The following RPF2 variants were observed in gnomAD, a reference collection of about 807,000 sequenced individuals.
RPF2 encodes the protein brix domain containing 1.
In RPF2, 21 loss-of-function variants were observed where a neutral mutation model predicts 38.9. The observed-to-expected ratio is 0.54, with a 90% CI of 0.38 to 0.78. The LOEUF is 0.78. RPF2 is among the 30% of genes least tolerant of loss of function. The pLI is 0.00. For missense variants in RPF2, 314 were observed against 358.1 expected, an observed-to-expected ratio of 0.88 and a Z score of 0.99; for synonymous variants, 121 against 126.2, an observed-to-expected ratio of 0.96 and a Z score of 0.28.
At chr6:111,019,421 CAG>C (rs1772188160) in intron 8 of RPF2, among the ~76,000 whole-genome samples, 1 of 151,986 alleles carries the variant, frequency 6.6e-6, no homozygotes, top group South Asian at 2.1e-4. Context: ...GCCTAGGTGG[CAG>C]AGTGAGACTG....
rs765572240 is a variant in RPF2 at position 111,008,127 on chromosome 6, T to C, written c.483T>C (p.Ser161=). Residue 161 remains serine (S), a synonymous_variant, in exon 7 of 10, where the codon AGT becomes AGC. Transcript: ENST00000441448. ...CAGAAGATTATAGAAGACTAAAAAG[T>C]CTTCTTATTGGTAAGTATTTTAGTA... ...DVTEDYRRLK[S]LLIDFFRGPT... 7.5e-6 allele frequency: 12 copies of C among 1,598,572 alleles called. No homozygotes were observed. Among genetic ancestry groups the C allele is most frequent in the South Asian group, 5.7e-5 (5 of 87,256 alleles).
At chr6:110,988,552 T>C (rs13195130) in intron 2 of RPF2, among the ~76,000 whole-genome samples, 37,544 of 151,846 alleles carry the variant, frequency 0.25, 5,366 homozygotes, top group East Asian at 0.65. Flanking sequence ...CCTCCCGCCT[T>C]AGCCTCCCAA....
intron 8 of RPF2, among the ~76,000 whole-genome samples, chr6:111,018,230 G>A (rs943033734): frequency 6.6e-6 from 1 of 151,860 alleles, no homozygotes; most frequent in Non-Finnish European, 1.5e-5. Flanking sequence ...AGAGGGAGAG[G>A]GAGAGGGAGA....
chr6:110,989,703 GCA>G (rs1477481584), intron 3 of RPF2, among the ~76,000 whole-genome samples: 1 of 149,370 alleles, frequency 6.7e-6, no homozygotes, highest in African/African-American at 2.5e-5. Context: ...TCGCCTCGCT[GCA>G]ACCTCTGACT....
chr6:111,017,442 C>T (rs1772142796), intron 8 of RPF2, among the ~76,000 whole-genome samples: 1 of 151,060 alleles, frequency 6.6e-6, no homozygotes, highest in African/African-American at 2.4e-5. Context: ...TGGGGGGGCT[C>T]CTCACTTCTC....
Position 111,020,207 on chromosome 6 carries a change from C to T in RPF2, c.597-3976C>T, listed in dbSNP as rs375551376. Among the ~76,000 whole-genome samples the T allele has an allele frequency of 2.5e-4, 38 of 151,972 alleles. No individual in the cohort carries two copies. In the South Asian group the frequency reaches 6.2e-3, roughly 25 times the overall value. ...TGCTGAGATTACAGGCATGAGCCAC[C>T]GCGCCTGACCTGGAACACTTCTTTT... On this transcript the variant is annotated intron_variant, in intron 8 of 9. Coordinates refer to ENST00000441448, the MANE Select transcript of RPF2 (RefSeq NM_032194.3).
chr6:111,015,895 G>T, intron 8 of RPF2, 39 bp downstream of exon 8: 1 of 1,434,914 alleles, frequency 7.0e-7, no homozygotes, highest in African/African-American at 1.4e-5. Flanking sequence ...AATCCTCAGG[G>T]TTAGTGTTTA....
intron 7 of RPF2, among the ~76,000 whole-genome samples, chr6:111,009,455 A>G (rs1771975792): frequency 1.3e-5 from 2 of 151,598 alleles, no homozygotes; most frequent in Non-Finnish European, 2.9e-5. Flanking sequence ...GGCCTCCCAA[A>G]ATGCTGGGAT....
intron 7 of RPF2, among the ~76,000 whole-genome samples, chr6:111,010,976 T>C (rs958916325): frequency 1.8e-4 from 28 of 152,314 alleles, no homozygotes; most frequent in Non-Finnish European, 3.4e-4. Context: ...GTTTAATCTT[T>C]ACAAAAGTTC....
At chr6:111,013,978 T>C (rs974857822) in intron 7 of RPF2, among the ~76,000 whole-genome samples, 1 of 151,928 alleles carries the variant, frequency 6.6e-6, no homozygotes, top group African/African-American at 2.4e-5. Flanking sequence ...CCGTACATAA[T>C]ATATGTATAA....
chr6:111,005,621 C>A (rs1200095825), intron 6 of RPF2, among the ~76,000 whole-genome samples: 1 of 151,874 alleles, frequency 6.6e-6, no homozygotes, highest in East Asian at 1.9e-4. Flanking sequence ...TTAATTTAGC[C>A]TTCATTTTAT....
chr6:110,982,665 A>T (rs967252786), intron 1 of RPF2, among the ~76,000 whole-genome samples: 1 of 152,062 alleles, frequency 6.6e-6, no homozygotes, highest in Non-Finnish European at 1.5e-5. Flanking sequence ...AACTTTGTAC[A>T]CTCCTCTGAG....
chr6:111,018,190 G>C (rs1021227651), intron 8 of RPF2, among the ~76,000 whole-genome samples: 17 of 151,810 alleles, frequency 1.1e-4, no homozygotes, highest in African/African-American at 2.9e-4. Context: ...CTCGGCATCA[G>C]GGGGAGACCG....
chr6:111,011,744 T>C (rs17072257), intron 7 of RPF2, among the ~76,000 whole-genome samples: 6,678 of 152,342 alleles, frequency 0.044, 163 homozygotes, highest in Middle Eastern at 0.071. Flanking sequence ...CAATTTGTTA[T>C]AACAGAGAGA....
intron 7 of RPF2, among the ~76,000 whole-genome samples, chr6:111,010,920 A>ACT (rs1641047607): frequency 6.6e-6 from 1 of 152,200 alleles, no homozygotes; most frequent in African/African-American, 2.4e-5. Flanking sequence ...TTCCCGTATT[A>ACT]GTAATAGCTA....
chr6:110,999,701 T>C lies in RPF2; in HGVS notation c.317-10T>C, dbSNP rs1771780132. 1 of 1,573,142 alleles carries C rather than the reference T, an allele frequency of 6.4e-7. No individual in the cohort carries two copies. The highest frequency in any genetic ancestry group is 8.7e-7 in the Non-Finnish European group (1 of 1,143,062). On this transcript the variant is annotated splice_polypyrimidine_tract_variant and intron_variant, in intron 5 of 9. Coordinates refer to ENST00000441448, the MANE Select transcript of RPF2 (RefSeq NM_032194.3). ...AAAAATACATGCTTAAAAATACATT[T>C]TCCTTCCAGGTCGTATGTATGACTA...
chr6:110,989,243 T>G (rs184334749), intron 3 of RPF2, among the ~76,000 whole-genome samples, 178 bp downstream of exon 3: 1 of 152,312 alleles, frequency 6.6e-6, no homozygotes, highest in South Asian at 2.1e-4. Flanking sequence ...TGAATGTCCT[T>G]GCATAGTTGT....
At position 110,989,011 on chromosome 6, in the gene RPF2, T is replaced by A. The variant is rs1360044116; in HGVS notation, c.157-17T>A. On this transcript the variant is annotated splice_polypyrimidine_tract_variant and intron_variant, in intron 2 of 9. Coordinates refer to ENST00000441448, the MANE Select transcript of RPF2 (RefSeq NM_032194.3). ...AGAATGTGTTTTGTTTTGAAAGCTA[T>A]AAATTTTGTTTTACAGTATGCACTG... 3 of 1,596,026 alleles carry A rather than the reference T, an allele frequency of 1.9e-6. No homozygotes were observed. Among genetic ancestry groups the A allele is most frequent in the Non-Finnish European group, 2.6e-6 (3 of 1,170,632 alleles).
chr6:111,002,615 G>A (rs1583266271), intron 6 of RPF2, among the ~76,000 whole-genome samples: 1 of 152,104 alleles, frequency 6.6e-6, no homozygotes, highest in East Asian at 1.9e-4. Flanking sequence ...TTACAGGCAT[G>A]AACCACTGCA....
Sources: allele counts gnomAD v4.1 joint callset (sites outside exome capture counted in the v4.1 genomes callset), GRCh38; gene constraint gnomAD v4.1.1; transcripts MANE v1.5; gene names NCBI Gene and HGNC (gene_info 2026-07-23, HGNC 2026-07-21).